MTUS2: variants seen among roughly 807,000 people sequenced by gnomAD.
MTUS2 encodes microtubule associated scaffold protein 2.
MTUS2 carries 40 observed loss-of-function variants against 114.1 expected under a neutral mutation model. The ratio of observed to expected loss-of-function variants is 0.35; its 90% CI spans 0.27 to 0.46. The LOEUF (loss-of-function observed/expected upper bound fraction) is 0.46. Ranked by LOEUF, MTUS2 falls within the 20% of genes least tolerant of loss-of-function variation. The probability of loss-of-function intolerance (pLI) is 1.00; values close to 1 mark genes in which losing one functional copy is unlikely to be tolerated. For synonymous variants in MTUS2, 688 were observed against 672.0 expected (o/e 1.02, Z -0.37); for missense variants, 1,679 against 1,705.4 (o/e 0.98, Z 0.27).
chr13:29,058,711 C>A (rs1265315346), intron 4 of MTUS2, among the ~76,000 whole-genome samples: 2 of 127,044 alleles, frequency 1.6e-5, no homozygotes, highest in African/African-American at 6.2e-5. Context: ...TATCCCTCCC[C>A]CCTCCCCCCA....
intron 2 of MTUS2, among the ~76,000 whole-genome samples, chr13:28,995,561 A>G (rs371907951): frequency 1.3e-5 from 2 of 151,368 alleles, no homozygotes; most frequent in East Asian, 1.9e-4. Context: ...TTGTTTGTAT[A>G]CTCTTTTATT....
At chr13:28,932,387 C>T (rs1473545774) in intron 2 of MTUS2, among the ~76,000 whole-genome samples, 1 of 152,148 alleles carries the variant, frequency 6.6e-6, no homozygotes, top group Non-Finnish European at 1.5e-5. Context: ...GCAAATACTA[C>T]ACCATTTCAT....
At chr13:29,105,824 C>T (rs1271149497) in intron 5 of MTUS2, among the ~76,000 whole-genome samples, 1 of 151,764 alleles carries the variant, frequency 6.6e-6, no homozygotes, top group East Asian at 1.9e-4. Context: ...ATGAGGATAT[C>T]AGGTTGTTTC....
intron 10 of MTUS2, among the ~76,000 whole-genome samples, chr13:29,482,650 G>A (rs1022467941): frequency 1.3e-5 from 2 of 152,232 alleles, no homozygotes; most frequent in East Asian, 1.9e-4. Context: ...TCTATCCATT[G>A]AGGAAGCTTC....
At chr13:28,877,923 T>G (rs1878043063) in intron 2 of MTUS2, among the ~76,000 whole-genome samples, 1 of 152,180 alleles carries the variant, frequency 6.6e-6, no homozygotes, top group Non-Finnish European at 1.5e-5. Context: ...GGTGCTGGCT[T>G]GTTTGTTTTA....
chr13:29,038,355 G>T (rs149924553), intron 4 of MTUS2, among the ~76,000 whole-genome samples: 127 of 152,346 alleles, frequency 8.3e-4, no homozygotes, highest in African/African-American at 2.9e-3. Flanking sequence ...ATTAGCCTGG[G>T]TATCACCAGT....
intron 13 of MTUS2, 92 bp from the exon 14 acceptor site, chr13:29,498,326 G>C: frequency 1.9e-6 from 3 of 1,564,872 alleles, no homozygotes; most frequent in Non-Finnish European, 2.6e-6. Context: ...GCTTGTCCCA[G>C]GAGGATAGAT....
At chr13:29,494,544 G>A (rs546838321) in intron 12 of MTUS2, among the ~76,000 whole-genome samples, 17 of 150,924 alleles carry the variant, frequency 1.1e-4, no homozygotes, top group African/African-American at 4.1e-4. Context: ...CACTGAGGAG[G>A]TTTGGTGTAG....
chr13:29,455,942 C>T (rs181373365), intron 9 of MTUS2, among the ~76,000 whole-genome samples: 32 of 152,160 alleles, frequency 2.1e-4, no homozygotes, highest in Non-Finnish European at 3.5e-4. Flanking sequence ...GATTACACCA[C>T]TGCACTCCAG....
chr13:28,833,487 A>C (rs1260698465), intron 1 of MTUS2, among the ~76,000 whole-genome samples: 1 of 152,138 alleles, frequency 6.6e-6, no homozygotes, highest in Non-Finnish European at 1.5e-5. Flanking sequence ...AAACAAACAA[A>C]CAAAAAAACC....
intron 6 of MTUS2, among the ~76,000 whole-genome samples, chr13:29,319,263 G>A (rs1253870763): frequency 6.6e-6 from 1 of 152,194 alleles, no homozygotes; most frequent in Admixed American, 6.5e-5. Flanking sequence ...AGGGCAGAGG[G>A]ATTTTGGGCT....
At chr13:29,391,639 A>G (rs1368588007) in intron 8 of MTUS2, among the ~76,000 whole-genome samples, 2 of 54,926 alleles carry the variant, frequency 3.6e-5, no homozygotes, top group Non-Finnish European at 9.0e-5. Context: ...TGCTTTTTTA[A>G]AATGTTTTTT....
At position 29,203,740 on chromosome 13, in the gene MTUS2, G is replaced by A. The variant is rs191372990; in HGVS notation, c.2645-77964G>A. Among the ~76,000 whole-genome samples the A allele has an allele frequency of 4.8e-4, 73 of 151,616 alleles. No homozygotes were observed. The South Asian group carries it at 4.8e-3, about 10-fold the overall frequency. On this transcript the variant is annotated intron_variant, in intron 5 of 15. Transcript: ENST00000612955. ...TGGGCTGGAATGCACTGTTACTCAC[G>A]GTACAGTCCCTCATGGCTTCCCTTG...
chr13:28,834,032 G>A (rs1874894073), intron 1 of MTUS2, among the ~76,000 whole-genome samples: 1 of 152,060 alleles, frequency 6.6e-6, no homozygotes, highest in South Asian at 2.1e-4. Flanking sequence ...GATAATGTAC[G>A]TAAATGGAAA....
intron 4 of MTUS2, among the ~76,000 whole-genome samples, chr13:29,074,693 C>T (rs1889104568): frequency 6.6e-6 from 1 of 152,122 alleles, no homozygotes; most frequent in South Asian, 2.1e-4. Context: ...AGTCACCTAT[C>T]TCCTGGGTTG....
intron 7 of MTUS2, among the ~76,000 whole-genome samples, chr13:29,326,098 A>G (rs1315515554): frequency 1.3e-5 from 2 of 152,230 alleles, no homozygotes; most frequent in Non-Finnish European, 2.9e-5. Context: ...TGGAATTTCT[A>G]AAGGGTAACA....
chr13:29,258,600 G>T (rs1196781845), intron 5 of MTUS2, among the ~76,000 whole-genome samples: 1 of 152,214 alleles, frequency 6.6e-6, no homozygotes, highest in Non-Finnish European at 1.5e-5. Flanking sequence ...TGTATGTTCA[G>T]AATTTGCCAT....
intron 2 of MTUS2, among the ~76,000 whole-genome samples, chr13:28,895,500 T>G (rs1305558546): frequency 6.6e-6 from 1 of 152,224 alleles, no homozygotes; most frequent in Non-Finnish European, 1.5e-5. Flanking sequence ...GAGAGTTACA[T>G]TCATTCTTTT....
At chr13:29,266,830 C>G (rs1897684857) in intron 5 of MTUS2, among the ~76,000 whole-genome samples, 1 of 152,276 alleles carries the variant, frequency 6.6e-6, no homozygotes, top group African/African-American at 2.4e-5. Context: ...GTCTCAAGCA[C>G]AGCCTTGTAT....
Sources: gnomAD v4.1 joint callset for allele counts (sites outside exome capture counted in the v4.1 genomes callset) on GRCh38, gnomAD v4.1.1 for gene constraint, MANE v1.5 for transcripts, NCBI Gene and HGNC (gene_info 2026-07-23, HGNC 2026-07-21) for gene names.